HHLA2: variants seen among roughly 807,000 people sequenced by gnomAD.
HHLA2 encodes HHLA2 member of B7 family.
A neutral mutation model predicts 45.9 loss-of-function variants in HHLA2; 48 were observed. That is an observed-to-expected ratio of 1.05 (90% confidence interval 0.83 to 1.33). HHLA2 has a LOEUF of 1.33. Among genes scored for constraint, HHLA2 ranks in the 40% most tolerant of loss-of-function variants. HHLA2 has a pLI of 0.00. For missense variants in HHLA2, 462 were observed against 494.3 expected (o/e 0.93, Z 0.62); for synonymous variants, 161 against 173.9 (o/e 0.93, Z 0.59).
intron 1 of HHLA2, among the ~76,000 whole-genome samples, chr3:108,305,191 C>T (rs896926391): frequency 4.0e-5 from 6 of 150,812 alleles, no homozygotes; most frequent in Non-Finnish European, 8.8e-5. Context: ...GAAAACAGAA[C>T]CTGAGCAAGG....
At chr3:108,300,080 T>C (rs1212387995) in intron 1 of HHLA2, among the ~76,000 whole-genome samples, 2 of 152,132 alleles carry the variant, frequency 1.3e-5, no homozygotes, top group African/African-American at 4.8e-5. Context: ...GAGCAGGTTT[T>C]GGGTAACAGG....
At chr3:108,368,535 CAAAAAAAAAAAAAAAAAA>C (rs55718572) in intron 8 of HHLA2, among the ~76,000 whole-genome samples, 10 of 6,622 alleles carry the variant, frequency 1.5e-3, no homozygotes, top group East Asian at 0.011. Flanking sequence ...AAACGAAGAG[CAAAAAAAAAAAAAAAAAA>C]AAAAAAAAAA....
rs75373924 is a variant in HHLA2, at chr3:108,320,491, T to C, written c.-104-7779T>C. ...CAACCTAATAGAATCCTCCTGCATT[T>C]GCTGATTCTCATCATACTTCTTCAT... is the stretch of plus-strand genomic sequence containing the variant. On this transcript the variant is annotated intron_variant, in intron 2 of 10. Coordinates refer to ENST00000619531, the Ensembl canonical transcript of HHLA2. Among the ~76,000 whole-genome samples the C allele has an allele frequency of 5.0e-3, 760 of 152,356 alleles. 7 individuals are homozygous for C. Among genetic ancestry groups the C allele is most frequent in the Middle Eastern group, 0.024 (7 of 294 alleles).
intron 2 of HHLA2, chr3:108,326,716 A>G (rs996432866): frequency 6.6e-6 from 1 of 152,380 alleles, no homozygotes; most frequent in African/African-American, 2.4e-5. Flanking sequence ...ACTGCTCAAA[A>G]TGGCTGTAGA....
rs79376845 is a variant in HHLA2, at chr3:108,326,215, C to G, written c.-104-2055C>G. On this transcript the variant is annotated intron_variant, in intron 2 of 10. Coordinates refer to ENST00000619531, the Ensembl canonical transcript of HHLA2. ...TGTTTGGTTCCACAACTCTTCCATCCACCTTGTATGGTGTATTCGTCCAAT... is the reference window on the plus strand; with the variant it reads ...TGTTTGGTTCCACAACTCTTCCATCGACCTTGTATGGTGTATTCGTCCAAT... 1.0e-4 allele frequency: 23 copies of G among 219,838 alleles called. No homozygotes were observed. The East Asian group carries it at 2.5e-3, about 24-fold the overall frequency. 13.6% of individuals were successfully genotyped at this position (219,838 alleles called of 1,614,324 possible). A position where few individuals can be genotyped will look rare whatever the true frequency, so the allele number is the denominator to read the frequency against.
At chr3:108,363,489 A>T (rs777277732) in intron 8 of HHLA2, among the ~76,000 whole-genome samples, 1 of 151,978 alleles carries the variant, frequency 6.6e-6, no homozygotes, top group Non-Finnish European at 1.5e-5. Flanking sequence ...TGAAGTTAGG[A>T]GATTAGGGTT....
chr3:108,328,932 T>G (rs979998106), intron 3 of HHLA2, among the ~76,000 whole-genome samples: 6 of 152,140 alleles, frequency 3.9e-5, no homozygotes, highest in African/African-American at 1.4e-4. Flanking sequence ...GAGCAGCAAG[T>G]ATGAAGAAAT....
exon 6 of HHLA2, chr3:108,355,306 T>A (rs779221735): frequency 6.2e-7 from 1 of 1,613,886 alleles, no homozygotes; most frequent in Non-Finnish European, 8.5e-7. Flanking sequence ...TATTACAGGA[T>A]CAAATTCATC....
At chr3:108,352,053 A>G (rs936277201) in intron 4 of HHLA2, among the ~76,000 whole-genome samples, 176 bp downstream of exon 3, 1 of 152,086 alleles carries the variant, frequency 6.6e-6, no homozygotes, top group Non-Finnish European at 1.5e-5. Flanking sequence ...AAAATTATAT[A>G]TATTTTTTCT....
chr3:108,337,538 T>G (rs2081494704), intron 3 of HHLA2, among the ~76,000 whole-genome samples: 1 of 152,180 alleles, frequency 6.6e-6, no homozygotes, highest in South Asian at 2.1e-4. Flanking sequence ...GTTGAATGAA[T>G]AGAAATATAC....
intron 2 of HHLA2, among the ~76,000 whole-genome samples, chr3:108,319,276 CTT>C (rs2081156843): frequency 6.6e-6 from 1 of 151,788 alleles, no homozygotes; most frequent in Non-Finnish European, 1.5e-5. Flanking sequence ...AGTCATATGA[CTT>C]TGGCATACAA....
chr3:108,342,073 G>A (rs1449878508), intron 3 of HHLA2, among the ~76,000 whole-genome samples: 1 of 152,128 alleles, frequency 6.6e-6, no homozygotes, highest in Non-Finnish European at 1.5e-5. Flanking sequence ...TTTCAATAGA[G>A]GCAGTCGCGT....
intron 3 of HHLA2, among the ~76,000 whole-genome samples, chr3:108,330,048 G>C (rs2081356771): frequency 1.3e-5 from 2 of 152,150 alleles, no homozygotes; most frequent in Admixed American, 1.3e-4. Context: ...CTGGTGGGAG[G>C]ATTCAGTGCC....
chr3:108,344,901 C>T (rs542916580), intron 3 of HHLA2, among the ~76,000 whole-genome samples: 21 of 152,252 alleles, frequency 1.4e-4, no homozygotes, highest in African/African-American at 4.8e-4. Context: ...TATTATCTAC[C>T]CATTTGACAA....
chr3:108,304,828 C>T (rs1027629569), intron 1 of HHLA2, among the ~76,000 whole-genome samples: 1 of 152,200 alleles, frequency 6.6e-6, no homozygotes, highest in African/African-American at 2.4e-5. Context: ...CAGCATCATT[C>T]TTGTTAGTTT....
At chr3:108,354,969 G>A in intron 5 of HHLA2, 146 bp from the exon 5 acceptor site, 1 of 747,666 alleles carries the variant, frequency 1.3e-6, no homozygotes, top group Non-Finnish European at 2.1e-6. Flanking sequence ...GTGTTTGTTG[G>A]TTTGTTTTCC....
At chr3:108,311,338 C>T (rs922524055) in intron 2 of HHLA2, among the ~76,000 whole-genome samples, 2 of 152,102 alleles carry the variant, frequency 1.3e-5, no homozygotes, top group Non-Finnish European at 1.5e-5. Context: ...TTAATGCTTA[C>T]TTATGTTATT....
At chr3:108,361,193 T>C (rs1228932331) in intron 7 of HHLA2, among the ~76,000 whole-genome samples, 1 of 152,216 alleles carries the variant, frequency 6.6e-6, no homozygotes, top group Non-Finnish European at 1.5e-5. Context: ...TATCAGCAGG[T>C]CCTCCTTTTC....
At position 108,333,266 on chromosome 3, in the gene HHLA2, G is replaced by A. The variant is rs547200139; in HGVS notation, c.-27+4919G>A. On this transcript the variant is annotated intron_variant, in intron 3 of 10. Transcript: ENST00000619531. ...CACATAGTCATTAAGTAGAGGTGAC[G>A]TGATTCAAACCCACACAATCTCATG... Among the ~76,000 whole-genome samples, 18 of 152,284 alleles carry A rather than the reference G, an allele frequency of 1.2e-4. No homozygotes were observed. The East Asian group carries it at 2.1e-3, about 18-fold the overall frequency.
Sources: allele counts gnomAD v4.1 joint callset (sites outside exome capture counted in the v4.1 genomes callset), GRCh38; gene constraint gnomAD v4.1.1; transcripts MANE v1.5; gene names NCBI Gene and HGNC (gene_info 2026-07-23, HGNC 2026-07-21).